Variants in ROBO1 observed in about 807,000 individuals in gnomAD.
The protein encoded by ROBO1 is roundabout homolog 1.
Under a neutral mutation model 195.9 loss-of-function variants are expected in ROBO1, and 149 were observed. The observed-to-expected ratio is 0.76, with a 90% CI of 0.67 to 0.87. ROBO1 has a LOEUF of 0.87. Ranked by LOEUF, ROBO1 falls within the 40% of genes least tolerant of loss-of-function variation. The pLI is 0.00. For synonymous variants in ROBO1, 816 were observed against 733.2 expected, an observed-to-expected ratio of 1.11 and a Z score of -1.82; for missense variants, 1,933 against 2,068.3, an observed-to-expected ratio of 0.93 and a Z score of 1.27.
chr3:79,026,042 G>T (rs1282597104), intron 3 of ROBO1, among the ~76,000 whole-genome samples: 1 of 151,918 alleles, frequency 6.6e-6, no homozygotes, highest in Non-Finnish European at 1.5e-5. Context: ...TGTCATTATT[G>T]TATTACATGT....
At chr3:79,655,896 T>C (rs910369812) in intron 1 of ROBO1, among the ~76,000 whole-genome samples, 5 of 152,060 alleles carry the variant, frequency 3.3e-5, no homozygotes, top group African/African-American at 1.2e-4. Flanking sequence ...TGATAATACA[T>C]ATAAAGATGT....
chr3:79,413,218 A>T (rs555606304), intron 2 of ROBO1, among the ~76,000 whole-genome samples: 3 of 152,212 alleles, frequency 2.0e-5, no homozygotes, highest in African/African-American at 7.2e-5. Context: ...TTTAAAAAAC[A>T]TGTAACTGAT....
chr3:79,242,556 C>T (rs550978848), intron 2 of ROBO1, among the ~76,000 whole-genome samples: 5 of 152,230 alleles, frequency 3.3e-5, no homozygotes, highest in African/African-American at 1.2e-4. Context: ...CCAATAAAGC[C>T]ATGGACATGG....
At position 79,065,090 on chromosome 3, in the gene ROBO1, G is replaced by A. The variant is rs114303927; in HGVS notation, c.172+60366C>T. 3.9e-3 allele frequency among the ~76,000 whole-genome samples: 593 copies of A among 151,992 alleles called. 5 individuals carry two copies. Among genetic ancestry groups the A allele is most frequent in the African/African-American group, 0.013 (545 of 41,508 alleles). ...CTCCAAATTAAAAGCTGCTTTTCCC[G>A]ATGGGACAATTGCTGAATCCCTTGG... On this transcript the variant is annotated intron_variant, in intron 3 of 30. Transcript: ENST00000464233.
intron 2 of ROBO1, among the ~76,000 whole-genome samples, chr3:79,254,585 C>T (rs1327661822): frequency 6.6e-6 from 1 of 152,016 alleles, no homozygotes; most frequent in African/African-American, 2.4e-5. Flanking sequence ...AATACCTGGC[C>T]CAGTGAACCT....
intron 2 of ROBO1, among the ~76,000 whole-genome samples, chr3:79,283,481 C>T (rs1204797081): frequency 6.6e-6 from 1 of 152,170 alleles, no homozygotes; most frequent in Non-Finnish European, 1.5e-5. Context: ...TTAAATAAAA[C>T]AGTACAGATT....
At chr3:78,882,624 T>C (rs2036250956) in intron 4 of ROBO1, among the ~76,000 whole-genome samples, 1 of 152,194 alleles carries the variant, frequency 6.6e-6, no homozygotes, top group African/African-American at 2.4e-5. Flanking sequence ...TTCCAATTTC[T>C]GCTACTCAAT....
At chr3:79,233,140 A>C (rs1002294701) in intron 2 of ROBO1, among the ~76,000 whole-genome samples, 1 of 152,134 alleles carries the variant, frequency 6.6e-6, no homozygotes, top group South Asian at 2.1e-4. Flanking sequence ...TAAAAAAAGA[A>C]AGCAAAATTA....
intron 14 of ROBO1, among the ~76,000 whole-genome samples, chr3:78,663,946 C>G (rs763329811): frequency 1.3e-5 from 2 of 152,142 alleles, no homozygotes; most frequent in Non-Finnish European, 2.9e-5. Flanking sequence ...TTATACATAA[C>G]TGCCATGATC....
intron 3 of ROBO1, among the ~76,000 whole-genome samples, chr3:79,037,095 C>A (rs1286778452): frequency 6.6e-6 from 1 of 152,040 alleles, no homozygotes; most frequent in African/African-American, 2.4e-5. Context: ...AGAAACTGAT[C>A]ACATCTAGAT....
intron 2 of ROBO1, among the ~76,000 whole-genome samples, chr3:79,530,346 T>C (rs1191264702): frequency 6.6e-6 from 1 of 152,060 alleles, no homozygotes; most frequent in Non-Finnish European, 1.5e-5. Flanking sequence ...CCAATAACTC[T>C]CTACTGAGTT....
intron 8 of ROBO1, among the ~76,000 whole-genome samples, chr3:78,697,927 T>C (rs1309054852): frequency 6.6e-6 from 1 of 152,182 alleles, no homozygotes; most frequent in Non-Finnish European, 1.5e-5. Flanking sequence ...ACAGCTGCTT[T>C]TTTTAATGGG....
At chr3:79,007,275 G>C (rs1434300336) in intron 3 of ROBO1, among the ~76,000 whole-genome samples, 4 of 152,116 alleles carry the variant, frequency 2.6e-5, no homozygotes, top group African/African-American at 7.2e-5. Flanking sequence ...ATTAGAGTTA[G>C]GTTTTAGCTT....
chr3:78,994,543 C>A (rs1458330666), intron 3 of ROBO1, among the ~76,000 whole-genome samples: 1 of 152,074 alleles, frequency 6.6e-6, no homozygotes, highest in East Asian at 1.9e-4. Flanking sequence ...ATGTGAAACA[C>A]GGCTTTTAAA....
At chr3:79,276,333 C>T (rs913593525) in intron 2 of ROBO1, among the ~76,000 whole-genome samples, 2 of 151,888 alleles carry the variant, frequency 1.3e-5, no homozygotes, top group African/African-American at 4.8e-5. Context: ...CTACACTCAA[C>T]TCATTTTTGA....
intron 1 of ROBO1, among the ~76,000 whole-genome samples, chr3:79,700,990 A>G (rs1449282842): frequency 1.3e-5 from 2 of 151,724 alleles, no homozygotes; most frequent in African/African-American, 4.8e-5. Context: ...ACATCTTGAG[A>G]GAATTTTTGT....
intron 2 of ROBO1, among the ~76,000 whole-genome samples, chr3:79,286,742 T>C (rs556291400): frequency 6.6e-6 from 1 of 152,292 alleles, no homozygotes; most frequent in East Asian, 1.9e-4. Context: ...TGAATGAATA[T>C]GTATATATAA....
chr3:78,710,366 T>C (rs2081652945), intron 8 of ROBO1, among the ~76,000 whole-genome samples: 1 of 152,234 alleles, frequency 6.6e-6, no homozygotes, highest in Non-Finnish European at 1.5e-5. Flanking sequence ...ATGTCTTTAA[T>C]AATTTGTCAC....
chr3:79,057,006 G>A (rs528739310), intron 3 of ROBO1, among the ~76,000 whole-genome samples: 5 of 152,098 alleles, frequency 3.3e-5, no homozygotes, highest in South Asian at 2.1e-4. Flanking sequence ...TCAACATTCC[G>A]TACTGTGGCA....
Sources: gnomAD v4.1 joint callset for allele counts (sites outside exome capture counted in the v4.1 genomes callset) on GRCh38, gnomAD v4.1.1 for gene constraint, MANE v1.5 for transcripts, NCBI Gene and HGNC (gene_info 2026-07-23, HGNC 2026-07-21) for gene names.